The following PEBP1 variants were observed in gnomAD, a reference collection of about 807,000 sequenced individuals.
The protein encoded by PEBP1 is phosphatidylethanolamine-binding protein 1.
A neutral mutation model predicts 22.7 loss-of-function variants in PEBP1; 17 were observed. The observed-to-expected ratio is 0.75, with a 90% confidence interval of 0.51 to 1.12. The LOEUF (loss-of-function observed/expected upper bound fraction) is 1.12. Among genes scored for constraint, PEBP1 ranks in the 50% most tolerant of loss-of-function variants. PEBP1 has a pLI of 0.00. For synonymous variants in PEBP1, 106 were observed against 104.3 expected (o/e 1.02, Z -0.10); for missense variants, 205 against 243.5 (o/e 0.84, Z 1.05).
At chr12:118,144,159 C>G (rs924517163) in intron 3 of PEBP1, among the ~76,000 whole-genome samples, 6 of 152,006 alleles carry the variant, frequency 3.9e-5, no homozygotes, top group African/African-American at 1.5e-4. Flanking sequence ...GTTGCTCCTA[C>G]CTGACAGAAG....
At chr12:118,138,518 C>T (rs2034086609) in intron 2 of PEBP1, among the ~76,000 whole-genome samples, 2 of 152,170 alleles carry the variant, frequency 1.3e-5, no homozygotes, top group South Asian at 4.1e-4. Flanking sequence ...CATGCCTCAG[C>T]TAACCGAGTA....
At chr12:118,137,351 T>G (rs2138081233) in intron 1 of PEBP1, among the ~76,000 whole-genome samples, 1 of 152,086 alleles carries the variant, frequency 6.6e-6, no homozygotes, top group African/African-American at 2.4e-5. Context: ...GGGACTGAAA[T>G]AATATACAGC....
At chr12:118,142,262 G>A (rs543149026) in intron 3 of PEBP1, among the ~76,000 whole-genome samples, 7 of 148,558 alleles carry the variant, frequency 4.7e-5, no homozygotes, top group Admixed American at 2.7e-4. Context: ...GTGTGATCGC[G>A]GCTCACTGCA....
rs2034141634 is a variant in PEBP1, at chr12:118,144,705, A to G, written c.466A>G (p.Lys156Glu). ...CAAATTCAAGGTGGCGTCCTTCCGTAAAAAGTATGAGCTCAGGGCCCCGGT... is the reference window on the plus strand; with the variant it reads ...CAAATTCAAGGTGGCGTCCTTCCGTGAAAAGTATGAGCTCAGGGCCCCGGT... ...RGKFKVASFRKKYELRAPVAG... is the reference protein window; with the variant it reads ...RGKFKVASFREKYELRAPVAG... The change falls in exon 4 of 4, where the codon AAA (lysine) becomes GAA (glutamate). Residue 156 changes from lysine to glutamate, a missense_variant. By Grantham distance (56) the Lys-to-Glu change is moderately conservative. Coordinates refer to ENST00000261313, the MANE Select transcript of PEBP1 (RefSeq NM_002567.4). 1 of 1,614,020 alleles carries G rather than the reference A, an allele frequency of 6.2e-7. No individual in the cohort carries two copies. The highest frequency in any genetic ancestry group is 1.1e-5 in the South Asian group (1 of 91,092).
At chr12:118,142,096 G>T (rs11068847) in intron 3 of PEBP1, among the ~76,000 whole-genome samples, 2 of 151,162 alleles carry the variant, frequency 1.3e-5, no homozygotes, top group Non-Finnish European at 2.9e-5. Context: ...GTCACACAAA[G>T]ACAAATACCG....
In PEBP1 at chr12:118,144,703, G is replaced by A. The variant is rs774926149; in HGVS notation, c.464G>A (p.Arg155His). ...HRGKFKVASF[R>H]KKYELRAPVA... ...GGCAAATTCAAGGTGGCGTCCTTCC[G>A]TAAAAAGTATGAGCTCAGGGCCCCG... The change falls in exon 4 of 4, where the codon CGT becomes CAT. Residue 155 changes from arginine to histidine, a missense_variant. Coordinates refer to ENST00000261313, the MANE Select transcript of PEBP1 (RefSeq NM_002567.4). 7 of 1,614,102 alleles carry A rather than the reference G, an allele frequency of 4.3e-6. No homozygotes were observed. The highest frequency in any genetic ancestry group is 3.3e-5 in the South Asian group (3 of 91,088).
intron 3 of PEBP1, among the ~76,000 whole-genome samples, chr12:118,142,174 CTTTTT>C (rs897008585): frequency 1.6e-5 from 2 of 125,464 alleles, no homozygotes; most frequent in Non-Finnish European, 3.4e-5. Flanking sequence ...GCCATGCATT[CTTTTT>C]TTTTTTTTTT....
chr12:118,138,247 G>GC, intron 2 of PEBP1, 99 bp downstream of exon 2: 1 of 806,814 alleles, frequency 1.2e-6, no homozygotes, highest in Admixed American at 2.0e-5. Context: ...GGTTTGGGAT[G>GC]CCCCCACCCA....
rs946341278 is a variant in PEBP1, at chr12:118,145,298, C to T, written c.*495C>T. On this transcript the variant is annotated 3_prime_UTR_variant, in exon 4 of 4. Transcript: ENST00000261313. ...CAGAGGCTGGCATTGAGGCTAACCT[C>T]CAACACAGTGCATCTCAGATGCCTC... 3.7e-5 allele frequency: 12 copies of T among 320,594 alleles called. No individual in the cohort carries two copies. The highest frequency in any genetic ancestry group is 5.4e-5 in the Non-Finnish European group (9 of 167,284). The allele number at this position is 320,594 out of a possible 1,614,324, so 19.9% of individuals were successfully genotyped here. A position where few individuals can be genotyped will look rare whatever the true frequency, so the allele number is the denominator to read the frequency against.
intron 3 of PEBP1, among the ~76,000 whole-genome samples, chr12:118,140,123 A>C (rs1332756699): frequency 6.6e-6 from 1 of 152,176 alleles, no homozygotes; most frequent in Non-Finnish European, 1.5e-5. Context: ...AAATACATGT[A>C]GATATTTAGA....
At chr12:118,140,939 C>G (rs2034108504) in intron 3 of PEBP1, among the ~76,000 whole-genome samples, 1 of 152,118 alleles carries the variant, frequency 6.6e-6, no homozygotes. Flanking sequence ...ACAAAATCCA[C>G]AGATCGGAAG....
rs1253476484 is a variant in PEBP1 at position 118,136,828 on chromosome 12, C to T, written c.135+484C>T. Among the ~76,000 whole-genome samples the T allele has an allele frequency of 6.6e-6, 1 of 152,184 alleles. No homozygotes were observed. The highest frequency in any genetic ancestry group is 1.5e-5 in the Non-Finnish European group (1 of 68,032). Reference sequence around the variant, plus strand: ...TGGCGATGAGCGCGCCGGCCGATTTCTCCTTTGTTAAATGGGTCGAGAGCG... The same window carrying T: ...TGGCGATGAGCGCGCCGGCCGATTTTTCCTTTGTTAAATGGGTCGAGAGCG... On this transcript the variant is annotated intron_variant, in intron 1 of 3. Coordinates refer to ENST00000261313, the MANE Select transcript of PEBP1 (RefSeq NM_002567.4). This position sits in a 1 kb window ranked among gnomAD's most constrained non-coding sequence, Gnocchi z 5.6.
At chr12:118,143,074 C>T (rs2138088323) in intron 3 of PEBP1, among the ~76,000 whole-genome samples, 1 of 152,048 alleles carries the variant, frequency 6.6e-6, no homozygotes, top group South Asian at 2.1e-4. Flanking sequence ...GTCTCAAATT[C>T]CTCCTGGGCT....
At chr12:118,139,019 G>A (rs1316685424) in intron 2 of PEBP1, 1 of 179,870 alleles carries the variant, frequency 5.6e-6, no homozygotes, top group Non-Finnish European at 1.2e-5. Flanking sequence ...TGGCCTCTAA[G>A]AAAGTGAGGA....
rs1375043016 is a variant in PEBP1 at position 118,138,758 on chromosome 12, G to A, written c.245+610G>A. On this transcript the variant is annotated intron_variant, in intron 2 of 3. Coordinates refer to ENST00000261313, the MANE Select transcript of PEBP1 (RefSeq NM_002567.4). ...AAGAAGAATAGTACTTTATGATGTG[G>A]AAATTACACAAAATTTACCTGTCAG... Among the ~76,000 whole-genome samples, 4 of 152,186 alleles carry A rather than the reference G, an allele frequency of 2.6e-5. No homozygotes were observed. In the South Asian group the frequency reaches 8.3e-4, roughly 32 times the overall value.
At chr12:118,141,406 T>C (rs939680732) in intron 3 of PEBP1, among the ~76,000 whole-genome samples, 3 of 152,164 alleles carry the variant, frequency 2.0e-5, no homozygotes, top group East Asian at 1.9e-4. Context: ...TGAGCCACTG[T>C]GTCCAGCCAC....
In PEBP1 at chr12:118,144,805, G is replaced by A. The variant is rs768702485; in HGVS notation, c.*2G>A. ...TACGAGCAGCTGTCTGGGAAGTAGG[G>A]GGTTAGCTTGGGGACCTGAACTGTC... On this transcript the variant is annotated 3_prime_UTR_variant, in exon 4 of 4. Transcript: ENST00000261313. The A allele has an allele frequency of 1.2e-6, 2 of 1,613,912 alleles. No homozygotes were observed. The highest frequency in any genetic ancestry group is 3.3e-5 in the Admixed American group (2 of 60,008).
Position 118,145,170 on chromosome 12 carries a change from A to T in PEBP1, c.*367A>T, listed in dbSNP as rs2034146756. The T allele has an allele frequency of 5.8e-5, 10 of 170,986 alleles. No homozygotes were observed. The highest frequency in any genetic ancestry group is 4.2e-4 in the South Asian group (4 of 9,564). 10.6% of individuals were successfully genotyped at this position (170,986 alleles called of 1,614,324 possible). A position where few individuals can be genotyped will look rare whatever the true frequency, so the allele number is the denominator to read the frequency against. On this transcript the variant is annotated 3_prime_UTR_variant, in exon 4 of 4. Coordinates refer to ENST00000261313, the MANE Select transcript of PEBP1 (RefSeq NM_002567.4). ...TCAAAGAATCTTTAAGGGAGGTTTA[A>T]AAAAAAAAAAAAAAAAAAAGATTGG...
chr12:118,136,645 T>TC lies in PEBP1; in HGVS notation c.135+307dup, dbSNP rs2034062976. ...TTCGGAAACAGGCCGGATCCCCCTC[T>TC]CCCCCCACAGGCCAGGGCGCTGGAG... On this transcript the variant is annotated intron_variant, in intron 1 of 3. Coordinates refer to ENST00000261313, the MANE Select transcript of PEBP1 (RefSeq NM_002567.4). The surrounding 1 kb of genome is among the most constrained non-coding windows in gnomAD (Gnocchi z 5.6). 6.6e-6 allele frequency among the ~76,000 whole-genome samples: 1 copy of TC among 151,770 alleles called. No individual in the cohort carries two copies.
Sources: allele counts gnomAD v4.1 joint callset (sites outside exome capture counted in the v4.1 genomes callset), GRCh38; gene constraint gnomAD v4.1.1; non-coding constraint Gnocchi (gnomAD v3.1); transcripts MANE v1.5; gene names NCBI Gene and HGNC (gene_info 2026-07-23, HGNC 2026-07-21).